Variants in NFKBIL1 observed in about 807,000 individuals in gnomAD.
The protein encoded by NFKBIL1 is NF-kappa-B inhibitor-like protein 1.
In NFKBIL1, 30 loss-of-function variants were observed where a neutral mutation model predicts 45.4. The ratio of observed to expected loss-of-function variants is 0.66; its 90% confidence interval spans 0.49 to 0.90. NFKBIL1 has a LOEUF of 0.90. Ranked by LOEUF, NFKBIL1 falls within the 40% of genes least tolerant of loss-of-function variation. The pLI, the probability that NFKBIL1 is intolerant of heterozygous loss-of-function variation, is 0.00. For missense variants in NFKBIL1, 434 were observed against 513.4 expected (o/e 0.85, Z 1.49); for synonymous variants, 179 against 197.3 (o/e 0.91, Z 0.78).
intron 2 of NFKBIL1, among the ~76,000 whole-genome samples, chr6:31,554,159 A>G (rs59782856): frequency 0.023 from 3,499 of 152,274 alleles, 81 homozygotes; most frequent in South Asian, 0.074. Context: ...GTAATCCCAC[A>G]CTTTGGGATG....
In NFKBIL1 at chr6:31,547,678, G is replaced by A. The variant is rs1383007726; in HGVS notation, c.-17G>A. ...CCTACGGCTCTGGGGGTACTTGGGG[G>A]GGCGGGGGCAGGTCTGATGAGTAAC... On this transcript the variant is annotated 5_prime_UTR_variant, in exon 1 of 4. Coordinates refer to ENST00000376148, the MANE Select transcript of NFKBIL1 (RefSeq NM_005007.4). 10 of 1,600,272 alleles carry A rather than the reference G, an allele frequency of 6.2e-6. No individual in the cohort carries two copies. Among genetic ancestry groups the A allele is most frequent in the African/African-American group, 1.3e-5 (1 of 74,600 alleles).
chr6:31,551,100 C>T (rs1449613090), intron 2 of NFKBIL1, among the ~76,000 whole-genome samples: 1 of 152,204 alleles, frequency 6.6e-6, no homozygotes, highest in Non-Finnish European at 1.5e-5. Flanking sequence ...AATCATGGCT[C>T]ACTGCAGCCT....
At position 31,558,030 on chromosome 6, in the gene NFKBIL1, T is replaced by A. The variant is rs139890240; in HGVS notation, c.565T>A (p.Ser189Thr). ...CCCACCCTCCCAAACAGGTGATGCCTCCCATGAAACCCAGGAACCTGAGTC... is the reference window on the plus strand; with the variant it reads ...CCCACCCTCCCAAACAGGTGATGCCACCCATGAAACCCAGGAACCTGAGTC... ...EVMGRFEGDA[S>T]HETQEPESFS... Residue 189 changes from serine (S) to threonine (T), a missense_variant, in exon 4 of 4, where the codon TCC becomes ACC. Ser to Thr is a moderately conservative substitution (Grantham distance 58, BLOSUM62 1). Coordinates refer to ENST00000376148, the MANE Select transcript of NFKBIL1 (RefSeq NM_005007.4). This position sits in a 1 kb window ranked among gnomAD's most constrained non-coding sequence, Gnocchi z 7.2. 5.2e-6 allele frequency: 6 copies of A among 1,149,954 alleles called. No individual in the cohort carries two copies. Among genetic ancestry groups the A allele is most frequent in the Non-Finnish European group, 7.2e-6 (6 of 829,378 alleles). The allele number at this position is 1,149,954 out of a possible 1,614,324, so 71.2% of individuals were successfully genotyped here.
chr6:31,547,195 C>CT (rs3219186), upstream of NFKBIL1, among the ~76,000 whole-genome samples: 34 of 151,136 alleles, frequency 2.2e-4, no homozygotes, highest in Non-Finnish European at 3.7e-4. Context: ...TGTATTTTTT[C>CT]TTTTTTTTTG....
intron 2 of NFKBIL1, among the ~76,000 whole-genome samples, chr6:31,554,418 GA>G (rs41268258): frequency 5.4e-5 from 8 of 148,692 alleles, no homozygotes; most frequent in Non-Finnish European, 1.2e-4. Flanking sequence ...GTCTCAAAAA[GA>G]AAAAAAAAGC....
rs199633668 is a variant in NFKBIL1 at position 31,557,612 on chromosome 6, G to A, written c.335-16G>A. On this transcript the variant is annotated splice_polypyrimidine_tract_variant and intron_variant, in intron 2 of 3. Transcript: ENST00000376148. The surrounding 1 kb of genome is among the most constrained non-coding windows in gnomAD (Gnocchi z 5.4). ...GAGTCCCAGCTAACTTCTGCTCCCT[G>A]CTCTCCCACCAACAGCCTACACCGA... 1.3e-4 allele frequency: 200 copies of A among 1,489,930 alleles called. No homozygotes were observed. The highest frequency in any genetic ancestry group is 1.8e-4 in the Non-Finnish European group (196 of 1,117,014). The allele number at this position is 1,489,930 out of a possible 1,614,324, so 92.3% of individuals were successfully genotyped here. A position where few individuals can be genotyped will look rare whatever the true frequency, so the allele number is the denominator to read the frequency against.
chr6:31,557,711 C>T lies in NFKBIL1; in HGVS notation c.418C>T (p.Gln140Ter). 1 of 1,608,598 alleles carries T rather than the reference C, an allele frequency of 6.2e-7. No individual in the cohort carries two copies. Among genetic ancestry groups the T allele is most frequent in the Non-Finnish European group, 8.5e-7 (1 of 1,176,814 alleles). ...IKNKDGETPG[Q>*]ILGWGPPWDS... ...GAATAAGGATGGGGAGACCCCTGGC[C>T]AAATTTTGGGCTGGGGACCCCCCTG... Residue 140 changes from glutamine (Q) to a stop codon, truncating the protein, a stop_gained, in exon 3 of 4, where the codon CAA becomes TAA. Coordinates refer to ENST00000376148, the MANE Select transcript of NFKBIL1 (RefSeq NM_005007.4). LOFTEE classifies it high-confidence loss of function. The surrounding 1 kb of genome is among the most constrained non-coding windows in gnomAD (Gnocchi z 5.4).
In NFKBIL1 at chr6:31,555,906, C is replaced by G. The variant is rs991508908; in HGVS notation, c.335-1722C>G. Among the ~76,000 whole-genome samples the G allele has an allele frequency of 3.6e-3, 533 of 149,370 alleles. 3 individuals carry two copies. The highest frequency in any genetic ancestry group is 4.3e-3 in the Non-Finnish European group (291 of 67,032). ...TGACCTTGTGATCCATTGTCCCCCC[C>G]CCCCAGCCTCCCAAAGTGCTGGGAT... On this transcript the variant is annotated intron_variant, in intron 2 of 3. Transcript: ENST00000376148.
At chr6:31,555,235 CT>C (rs9279346) in intron 2 of NFKBIL1, among the ~76,000 whole-genome samples, 13,649 of 125,036 alleles carry the variant, frequency 0.11, 648 homozygotes, top group South Asian at 0.19. Context: ...TATTTTTTTT[CT>C]TTTTTTTTTT....
chr6:31,556,052 G>A (rs1769721377), intron 2 of NFKBIL1, among the ~76,000 whole-genome samples: 1 of 151,900 alleles, frequency 6.6e-6, no homozygotes, highest in Non-Finnish European at 1.5e-5. Context: ...TATAGTTGGA[G>A]GCCCTACTCC....
chr6:31,548,115 G>T (rs772296121), intron 1 of NFKBIL1, 48 bp from the exon 2 acceptor site: 1 of 1,611,898 alleles, frequency 6.2e-7, no homozygotes, highest in Non-Finnish European at 8.5e-7. Flanking sequence ...GAGGGAGAAG[G>T]ACCAGCCAAG....
At chr6:31,553,532 T>C (rs1769554458) in intron 2 of NFKBIL1, among the ~76,000 whole-genome samples, 1 of 152,216 alleles carries the variant, frequency 6.6e-6, no homozygotes, top group African/African-American at 2.4e-5. Context: ...CACGGTAAAC[T>C]ACCTTTATCT....
Position 31,557,808 on chromosome 6 carries a change from A to G in NFKBIL1, c.515A>G (p.Glu172Gly). Residue 172 changes from glutamate (E) to glycine (G), a missense_variant, in exon 3 of 4, where the codon GAG becomes GGG. Physicochemically the swap from Glu to Gly is moderately conservative, Grantham distance 98 (BLOSUM62 -2). Coordinates refer to ENST00000376148, the MANE Select transcript of NFKBIL1 (RefSeq NM_005007.4). The surrounding 1 kb of genome is among the most constrained non-coding windows in gnomAD (Gnocchi z 5.4). ...GAATGGAGACAGAAGCTCCAGGGTG[A>G]GCTGGAGGACGAGTGGCAGGAAGTC... Reference protein sequence around the residue: ...EREWRQKLQGELEDEWQEVMG... With the variant: ...EREWRQKLQGGLEDEWQEVMG... 2 of 1,608,382 alleles carry G rather than the reference A, an allele frequency of 1.2e-6. No individual in the cohort carries two copies. Among genetic ancestry groups the G allele is most frequent in the East Asian group, 2.2e-5 (1 of 44,750 alleles).
rs373512256 is a variant in NFKBIL1 at position 31,558,352 on chromosome 6, G to T, written c.887G>T (p.Arg296Leu). 33 of 1,552,312 alleles carry T rather than the reference G, an allele frequency of 2.1e-5. No homozygotes were observed. Among genetic ancestry groups the T allele is most frequent in the Non-Finnish European group, 2.6e-5 (30 of 1,145,948 alleles). Residue 296 changes from arginine to leucine, a missense_variant, in exon 4 of 4, where the codon CGA becomes CTA. Physicochemically the swap from Arg to Leu is moderately radical, Grantham distance 102 (BLOSUM62 -2). Transcript: ENST00000376148. This position sits in a 1 kb window ranked among gnomAD's most constrained non-coding sequence, Gnocchi z 7.2. Reference protein sequence around the residue: ...PRGAGRGSLWRFGDVPWPCPG... With the variant: ...PRGAGRGSLWLFGDVPWPCPG... ...GGAGCGGGGAGGGGCAGCCTCTGGC[G>T]ATTTGGTGATGTGCCCTGGCCCTGC...
Position 31,558,218 on chromosome 6 carries a change from G to A in NFKBIL1, c.753G>A (p.Arg251=). ...EEQRLFRERA[R]AKEEELRESR... ...AGCGGCTCTTCAGGGAGCGAGCCCG[G>A]GCCAAGGAGGAAGAGCTGCGTGAGA... Residue 251 remains arginine, a synonymous_variant, in exon 4 of 4, where the codon CGG becomes CGA. Coordinates refer to ENST00000376148, the MANE Select transcript of NFKBIL1 (RefSeq NM_005007.4). The surrounding 1 kb of genome is among the most constrained non-coding windows in gnomAD (Gnocchi z 7.2). The A allele has an allele frequency of 1.3e-6, 2 of 1,598,036 alleles. No individual in the cohort carries two copies. The highest frequency in any genetic ancestry group is 8.5e-7 in the Non-Finnish European group (1 of 1,173,150).
chr6:31,556,462 C>G (rs557486783), intron 2 of NFKBIL1, among the ~76,000 whole-genome samples: 107 of 152,216 alleles, frequency 7.0e-4, no homozygotes, highest in Non-Finnish European at 5.6e-4. Context: ...CCTCCCTCCC[C>G]TTCTTCTATC....
At chr6:31,549,806 G>A (rs1769327204) in intron 2 of NFKBIL1, among the ~76,000 whole-genome samples, 1 of 152,142 alleles carries the variant, frequency 6.6e-6, no homozygotes. Context: ...CTAATATAGA[G>A]TGAGTGTACT....
At position 31,548,506 on chromosome 6, in the gene NFKBIL1, T is replaced by C. The variant is rs985306471; in HGVS notation, c.334+67T>C. ...CAGACCTGAAATGAAAGCCAACCAA[T>C]AGTTGAGAAATAAGCTGGTTATTTG... On this transcript the variant is annotated intron_variant, in intron 2 of 3. Transcript: ENST00000376148. The C allele has an allele frequency of 4.3e-6, 6 of 1,399,144 alleles. No homozygotes were observed. In the Admixed American group the frequency reaches 9.6e-5, roughly 22 times the overall value. 86.7% of individuals were successfully genotyped at this position (1,399,144 alleles called of 1,614,324 possible).
intron 2 of NFKBIL1, 144 bp downstream of exon 2, chr6:31,548,583 T>C (rs1769253251): frequency 1.1e-6 from 1 of 895,238 alleles, no homozygotes; most frequent in Admixed American, 3.6e-5. Context: ...GGCTGTCATT[T>C]GTCCCTTTAC....
Sources: gnomAD v4.1 joint callset for allele counts (sites outside exome capture counted in the v4.1 genomes callset) on GRCh38, gnomAD v4.1.1 for gene constraint, Gnocchi (gnomAD v3.1) non-coding constraint, MANE v1.5 for transcripts, NCBI Gene and HGNC (gene_info 2026-07-23, HGNC 2026-07-21) for gene names.